RASGEF1C: variants seen among roughly 807,000 people sequenced by gnomAD.
RASGEF1C encodes ras-GEF domain-containing family member 1C.
A neutral mutation model predicts 58.1 loss-of-function variants in RASGEF1C; 27 were observed. The observed-to-expected ratio is 0.46, with a 90% CI of 0.34 to 0.64. The LOEUF (loss-of-function observed/expected upper bound fraction) is 0.64, where lower values mean the gene tolerates loss of function less well. Ranked by LOEUF, RASGEF1C falls within the 30% of genes least tolerant of loss-of-function variation. RASGEF1C has a pLI of 0.01. For missense variants in RASGEF1C, 502 were observed against 605.1 expected (o/e 0.83, Z 1.79); for synonymous variants, 243 against 246.3 (o/e 0.99, Z 0.13).
At chr5:180,174,202 A>G (rs1767171383) in intron 1 of RASGEF1C, among the ~76,000 whole-genome samples, 1 of 152,172 alleles carries the variant, frequency 6.6e-6, no homozygotes, top group Non-Finnish European at 1.5e-5. Flanking sequence ...GAGCCATTTA[A>G]ATACTTCTCA....
chr5:180,151,802 C>A (rs1436837208), intron 1 of RASGEF1C, among the ~76,000 whole-genome samples: 1 of 151,582 alleles, frequency 6.6e-6, no homozygotes, highest in African/African-American at 2.4e-5. Context: ...TGGGAGAAAA[C>A]TTTTGCAATC....
chr5:180,182,553 T>G (rs1307941884), intron 1 of RASGEF1C, among the ~76,000 whole-genome samples: 2 of 152,170 alleles, frequency 1.3e-5, no homozygotes. Flanking sequence ...TTTTACAGAG[T>G]GCTGATTGGT....
At chr5:180,109,178 C>T (rs1474538448) in intron 12 of RASGEF1C, among the ~76,000 whole-genome samples, 2 of 152,130 alleles carry the variant, frequency 1.3e-5, no homozygotes, top group African/African-American at 4.8e-5. Flanking sequence ...GTAGTAGGGC[C>T]AGGCGTGGTG....
chr5:180,166,204 C>T (rs544653354), intron 1 of RASGEF1C, among the ~76,000 whole-genome samples: 2 of 152,274 alleles, frequency 1.3e-5, no homozygotes, highest in East Asian at 3.9e-4. Context: ...TAAGTTTCAT[C>T]CTCCCTTGTT....
rs1346898712 is a variant in RASGEF1C, at chr5:180,198,648, C to T, written c.-7+10380G>A. On this transcript the variant is annotated intron_variant, in intron 1 of 13. Transcript: ENST00000361132. This position sits in a 1 kb window ranked among gnomAD's most constrained non-coding sequence, Gnocchi z 4.5. ...GAATTCCGTTTTTTAGGGTACTACC[C>T]ATGAAAGGCTCCACCTCTCAATACA... Among the ~76,000 whole-genome samples the T allele has an allele frequency of 6.6e-6, 1 of 152,136 alleles. No homozygotes were observed. The highest frequency in any genetic ancestry group is 2.4e-5 in the African/African-American group (1 of 41,422).
rs1756309198 is a variant in RASGEF1C at position 180,197,930 on chromosome 5, A to T, written c.-7+11098T>A. On this transcript the variant is annotated intron_variant, in intron 1 of 13. Transcript: ENST00000361132. The surrounding 1 kb of genome is among the most constrained non-coding windows in gnomAD (Gnocchi z 4.7). Reference sequence around the variant, plus strand: ...CTGCGTCCCACGCTTAGCGACATCCAATGCACGTAAAGCAGAAATTCCCCA... The same window carrying T: ...CTGCGTCCCACGCTTAGCGACATCCTATGCACGTAAAGCAGAAATTCCCCA... Among the ~76,000 whole-genome samples the T allele has an allele frequency of 1.3e-5, 2 of 152,252 alleles. No homozygotes were observed. Among genetic ancestry groups the T allele is most frequent in the South Asian group, 4.1e-4 (2 of 4,836 alleles).
intron 1 of RASGEF1C, 146 bp downstream of exon 1, chr5:180,208,882 C>A (rs1191879700): frequency 2.7e-5 from 4 of 150,158 alleles, no homozygotes. Context: ...GACCCCGCCC[C>A]TGCTGACCCC....
chr5:180,175,622 G>A (rs1478075622), intron 1 of RASGEF1C, among the ~76,000 whole-genome samples: 4 of 152,178 alleles, frequency 2.6e-5, no homozygotes, highest in East Asian at 1.9e-4. Context: ...CATGTCCCCC[G>A]CATCAATCCA....
chr5:180,118,570 CT>C, intron 10 of RASGEF1C, 38 bp downstream of exon 10: 1 of 1,546,820 alleles, frequency 6.5e-7, no homozygotes, highest in Non-Finnish European at 8.8e-7. Context: ...CCCAGGTTCC[CT>C]GCTGCAGCCC....
chr5:180,136,694 G>A (rs540466251), intron 3 of RASGEF1C, 179 bp from the exon 4 acceptor site: 14 of 635,620 alleles, frequency 2.2e-5, no homozygotes, highest in East Asian at 1.5e-4. Context: ...GAGGGGGGAC[G>A]GACACATTTC....
rs1257646227 is a variant in RASGEF1C, at chr5:180,114,501, T to C, written c.1124A>G (p.Tyr375Cys). The C allele has an allele frequency of 1.9e-6, 3 of 1,612,742 alleles. No individual in the cohort carries two copies. Among genetic ancestry groups the C allele is most frequent in the Non-Finnish European group, 2.5e-6 (3 of 1,179,106 alleles). Residue 375 changes from tyrosine to cysteine, a missense_variant, in exon 11 of 14, where the codon TAC becomes TGC. Physicochemically the swap from Tyr to Cys is radical, Grantham distance 194. Coordinates refer to ENST00000361132, the MANE Select transcript of RASGEF1C (RefSeq NM_175062.4). ...GTTGGCGCAGCCCTCATTCAGGAAG[T>C]AGATGTCTTTGATGAGCAGGCTGAA... ...PFFSLLIKDI[Y>C]FLNEGCANRL...
intron 1 of RASGEF1C, among the ~76,000 whole-genome samples, chr5:180,195,364 G>A (rs972571273): frequency 6.6e-6 from 1 of 152,198 alleles, no homozygotes; most frequent in Non-Finnish European, 1.5e-5. Context: ...AACAGGAGGT[G>A]TATGAGACGA....
Position 180,139,581 on chromosome 5 carries a change from C to T in RASGEF1C, c.-6-1523G>A, listed in dbSNP as rs543487855. ...TCAGGCATTGGTGTGGACAGCAGCCCAGACAGTCCTGGCCATGGTGACAGA... is the reference window on the plus strand; with the variant it reads ...TCAGGCATTGGTGTGGACAGCAGCCTAGACAGTCCTGGCCATGGTGACAGA... On this transcript the variant is annotated intron_variant, in intron 1 of 13. Coordinates refer to ENST00000361132, the MANE Select transcript of RASGEF1C (RefSeq NM_175062.4). Among the ~76,000 whole-genome samples, 6 of 152,316 alleles carry T rather than the reference C, an allele frequency of 3.9e-5. No homozygotes were observed. In the East Asian group the frequency reaches 9.7e-4, roughly 25 times the overall value.
chr5:180,113,429 T>C (rs139971793), intron 11 of RASGEF1C, among the ~76,000 whole-genome samples: 4,388 of 14,646 alleles, frequency 0.3, 1,241 homozygotes, highest in African/African-American at 0.46. Context: ...CGGGGATGGA[T>C]GGAGGGATCC....
In RASGEF1C at chr5:180,114,429, C is replaced by T. The variant is rs776545243; in HGVS notation, c.1179+17G>A. ...CCGGCCTGTCTACCTCAGTGGCGGT[C>T]CACACGGAGGTCCTACCTCAAAGTT... On this transcript the variant is annotated intron_variant, in intron 11 of 13. Transcript: ENST00000361132. The T allele has an allele frequency of 6.8e-6, 11 of 1,609,838 alleles. No homozygotes were observed. In the African/African-American group the frequency reaches 8.0e-5, roughly 12 times the overall value.
At chr5:180,173,085 C>A (rs915771315) in intron 1 of RASGEF1C, among the ~76,000 whole-genome samples, 1 of 152,228 alleles carries the variant, frequency 6.6e-6, no homozygotes, top group Non-Finnish European at 1.5e-5. Flanking sequence ...AGTTAAGTCA[C>A]CTGCAGTTGA....
intron 1 of RASGEF1C, among the ~76,000 whole-genome samples, chr5:180,159,146 ATT>A (rs200173451): frequency 7.5e-5 from 11 of 146,754 alleles, no homozygotes; most frequent in Admixed American, 6.1e-4. Flanking sequence ...TTTTTAATTA[ATT>A]TTTTTTTTTG....
intron 10 of RASGEF1C, 68 bp downstream of exon 10, chr5:180,118,541 A>G: frequency 7.3e-7 from 1 of 1,374,820 alleles, no homozygotes; most frequent in Non-Finnish European, 1.0e-6. Flanking sequence ...AGCTGCAGCA[A>G]GTGAACTCTG....
Position 180,177,314 on chromosome 5 carries a change from C to T in RASGEF1C, c.-7+31714G>A, listed in dbSNP as rs1177742867. Reference sequence around the variant, plus strand: ...CACCCAGTGAAGGGGCTGGCCTGCCCGGCTCACCCAGCAGCTTCCCCAAAG... The same window carrying T: ...CACCCAGTGAAGGGGCTGGCCTGCCTGGCTCACCCAGCAGCTTCCCCAAAG... On this transcript the variant is annotated intron_variant, in intron 1 of 13. Coordinates refer to ENST00000361132, the MANE Select transcript of RASGEF1C (RefSeq NM_175062.4). The surrounding 1 kb of genome is among the most constrained non-coding windows in gnomAD (Gnocchi z 5.0). Among the ~76,000 whole-genome samples the T allele has an allele frequency of 6.6e-6, 1 of 152,204 alleles. No individual in the cohort carries two copies. The highest frequency in any genetic ancestry group is 1.5e-5 in the Non-Finnish European group (1 of 68,036).
Sources: gnomAD v4.1 joint callset for allele counts (sites outside exome capture counted in the v4.1 genomes callset) on GRCh38, gnomAD v4.1.1 for gene constraint, Gnocchi (gnomAD v3.1) non-coding constraint, MANE v1.5 for transcripts, NCBI Gene and HGNC (gene_info 2026-07-23, HGNC 2026-07-21) for gene names.